The following CASK variants were observed in gnomAD, a reference collection of about 807,000 sequenced individuals.
The protein encoded by CASK is calcium/calmodulin dependent serine protein kinase.
CASK carries 4 observed loss-of-function variants against 82.9 expected under a neutral mutation model. That is an observed-to-expected ratio of 0.05 (90% CI 0.02 to 0.11). The LOEUF (loss-of-function observed/expected upper bound fraction) is 0.11, where lower values mean the gene tolerates loss of function less well. Among genes scored for constraint, CASK ranks in the 10% least tolerant of loss-of-function variants. CASK has a pLI of 1.00. For synonymous variants in CASK, 259 were observed against 253.5 expected (o/e 1.02, Z -0.20); for missense variants, 358 against 720.9 (o/e 0.50, Z 5.76).
chrX:41,589,837 T>C (rs2065716660), intron 12 of CASK: 1 of 355,793 alleles, frequency 2.8e-6, no homozygotes, highest in Non-Finnish European at 5.0e-6. Flanking sequence ...AATGTGGCAA[T>C]TTCCTTGTCA....
At chrX:41,618,091 G>T (rs779054107) in intron 11 of CASK, among the ~76,000 whole-genome samples, 18 of 112,056 alleles carry the variant, frequency 1.6e-4, no homozygotes, top group Non-Finnish European at 3.2e-4. Flanking sequence ...TGATTAAAAT[G>T]ATTTTTTTCT....
intron 3 of CASK, among the ~76,000 whole-genome samples, chrX:41,756,701 ACACGAGAAGTCTACGACATAGGTATT>A (rs2068903172): frequency 8.9e-6 from 1 of 112,608 alleles, no homozygotes; most frequent in South Asian, 3.6e-4. Context: ...TTCAATGTTT[ACACGAGAAGTCTACGACATAGGTATT>A]ATGACTACCT....
At chrX:41,773,767 G>C (rs1374661664) in intron 3 of CASK, among the ~76,000 whole-genome samples, 1 of 111,079 alleles carries the variant, frequency 9.0e-6, no homozygotes, top group Non-Finnish European at 1.9e-5. Context: ...CATAGAAAGG[G>C]TACAATCAAA....
chrX:41,612,242 T>C (rs1304081467), intron 11 of CASK, among the ~76,000 whole-genome samples: 3 of 107,024 alleles, frequency 2.8e-5, no homozygotes, highest in Non-Finnish European at 5.8e-5. Flanking sequence ...CGCCATCCCA[T>C]CTAGGAAGTG....
intron 2 of CASK, among the ~76,000 whole-genome samples, chrX:41,806,315 G>C (rs2070124812): frequency 9.0e-6 from 1 of 111,399 alleles, no homozygotes; most frequent in South Asian, 3.8e-4. Flanking sequence ...TTAAATGTTG[G>C]GACGTGTTCC....
At chrX:41,565,854 G>A (rs2065307873) in intron 16 of CASK, among the ~76,000 whole-genome samples, 1 of 111,552 alleles carries the variant, frequency 9.0e-6, no homozygotes, top group Admixed American at 9.5e-5. Context: ...CTGGAACGTC[G>A]AATCCAGCAG....
chrX:41,785,751 T>G (rs1329580179), intron 3 of CASK, among the ~76,000 whole-genome samples: 1 of 112,172 alleles, frequency 8.9e-6, no homozygotes, highest in Non-Finnish European at 1.9e-5. Context: ...GGGGGCAACT[T>G]GTGAAATGCC....
chrX:41,892,103 G>C (rs1391395885), intron 1 of CASK, among the ~76,000 whole-genome samples: 2 of 110,703 alleles, frequency 1.8e-5, no homozygotes, highest in Non-Finnish European at 3.8e-5. Context: ...TGAGATGGGA[G>C]GATCATTTGA....
intron 8 of CASK, among the ~76,000 whole-genome samples, chrX:41,657,746 G>A (rs1333332183): frequency 9.0e-6 from 1 of 110,920 alleles, no homozygotes; most frequent in Non-Finnish European, 1.9e-5. Flanking sequence ...TTTTTTTAAT[G>A]TAAGGAATCC....
rs1479949957 is a variant in CASK at position 41,590,531 on chromosome X, A to G, written c.1156-939T>C. Among the ~76,000 whole-genome samples the G allele has an allele frequency of 9.2e-5, 10 of 108,784 alleles. No homozygotes were observed. In the East Asian group the frequency reaches 1.7e-3, roughly 18 times the overall value. The allele number at this position is 108,784 out of a possible 115,157, so 94.5% of individuals were successfully genotyped here. A position where few individuals can be genotyped will look rare whatever the true frequency, so the allele number is the denominator to read the frequency against. ...TCTCCAAAAAAAAAAAAAAAAAAAA[A>G]AAAGAAAGAAACTAAATATATTTCT... On this transcript the variant is annotated intron_variant, in intron 12 of 26. Coordinates refer to ENST00000378163, the MANE Select transcript of CASK (RefSeq NM_001367721.1).
At chrX:41,614,799 G>A (rs932568040) in intron 11 of CASK, among the ~76,000 whole-genome samples, 3 of 111,417 alleles carry the variant, frequency 2.7e-5, no homozygotes, top group Admixed American at 9.5e-5. Flanking sequence ...GATTACAGGC[G>A]TGAGCCACTG....
At chrX:41,816,776 A>G (rs2070422657) in intron 2 of CASK, among the ~76,000 whole-genome samples, 1 of 111,990 alleles carries the variant, frequency 8.9e-6, no homozygotes, top group African/African-American at 3.2e-5. Flanking sequence ...GACAAATTTC[A>G]TGAAAGAAAC....
chrX:41,762,036 T>C (rs1203293952), intron 3 of CASK, among the ~76,000 whole-genome samples: 1 of 112,161 alleles, frequency 8.9e-6, no homozygotes, highest in East Asian at 2.8e-4. Context: ...TTACAAGTAG[T>C]AACTTATTTA....
At chrX:41,891,433 T>C (rs2072168758) in intron 1 of CASK, among the ~76,000 whole-genome samples, 1 of 111,852 alleles carries the variant, frequency 8.9e-6, no homozygotes, top group Admixed American at 9.5e-5. Context: ...CTGGACATCG[T>C]TGATGATGCA....
chrX:41,743,655 T>C (rs1045242347), intron 4 of CASK: 15 of 295,868 alleles, frequency 5.1e-5, no homozygotes, highest in African/African-American at 3.6e-4. Context: ...GGCAATGAAT[T>C]TGAAGACATT....
intron 1 of CASK, among the ~76,000 whole-genome samples, chrX:41,901,260 T>C (rs970211964): frequency 1.8e-5 from 2 of 111,097 alleles, no homozygotes; most frequent in Non-Finnish European, 3.8e-5. Flanking sequence ...GGCGGGTGGG[T>C]TGCTTGAGGA....
chrX:41,699,489 A>G (rs187819252), intron 5 of CASK, among the ~76,000 whole-genome samples: 143 of 111,052 alleles, frequency 1.3e-3, no homozygotes, highest in African/African-American at 4.5e-3. Context: ...ATGTCCTCAA[A>G]CTTAAAAATT....
intron 5 of CASK, among the ~76,000 whole-genome samples, chrX:41,737,839 T>C (rs991523099): frequency 8.9e-6 from 1 of 112,890 alleles, no homozygotes; most frequent in African/African-American, 3.2e-5. Context: ...GTTTAGAATA[T>C]ATACAAAGAG....
At chrX:41,856,441 T>C (rs999963480) in intron 1 of CASK, among the ~76,000 whole-genome samples, 55 of 110,503 alleles carry the variant, frequency 5.0e-4, no homozygotes, top group African/African-American at 1.8e-3. Context: ...CCCAAGAAAC[T>C]CATGAATGGG....
Sources: allele counts gnomAD v4.1 joint callset (sites outside exome capture counted in the v4.1 genomes callset), GRCh38; gene constraint gnomAD v4.1.1; transcripts MANE v1.5; gene names NCBI Gene and HGNC (gene_info 2026-07-23, HGNC 2026-07-21).